IQSEC1: variants seen among roughly 807,000 people sequenced by gnomAD.
IQSEC1 encodes IQ motif and SEC7 domain-containing protein 1.
In IQSEC1, 31 loss-of-function variants were observed where a neutral mutation model predicts 91.0. The ratio of observed to expected loss-of-function variants is 0.34; its 90% confidence interval spans 0.26 to 0.46. The LOEUF is 0.46. Among genes scored for constraint, IQSEC1 ranks in the 20% least tolerant of loss-of-function variants. The pLI is 1.00. For missense variants in IQSEC1, 1,388 were observed against 1,575.6 expected (o/e 0.88, Z 2.02); for synonymous variants, 699 against 662.6 (o/e 1.05, Z -0.84).
intron 1 of IQSEC1, among the ~76,000 whole-genome samples, chr3:13,227,750 G>T (rs1446750006): frequency 1.3e-5 from 2 of 152,208 alleles, no homozygotes; most frequent in African/African-American, 4.8e-5. Flanking sequence ...TTCACTAGTG[G>T]CTGACAGGGG....
intron 1 of IQSEC1, among the ~76,000 whole-genome samples, chr3:12,976,835 C>CGT (rs1472933463): frequency 6.6e-6 from 1 of 152,188 alleles, no homozygotes; most frequent in Non-Finnish European, 1.5e-5. Context: ...AGGGACCACC[C>CGT]ACAGGGCTAA....
At chr3:12,985,735 A>G (rs933491925) in intron 1 of IQSEC1, among the ~76,000 whole-genome samples, 1 of 152,166 alleles carries the variant, frequency 6.6e-6, no homozygotes, top group Non-Finnish European at 1.5e-5. Flanking sequence ...AAACGTTTAT[A>G]TGTTTTTGAC....
intron 1 of IQSEC1, among the ~76,000 whole-genome samples, chr3:12,951,509 C>T (rs1045247350): frequency 2.6e-5 from 4 of 151,930 alleles, no homozygotes; most frequent in African/African-American, 4.8e-5. Context: ...AAGACAGGAA[C>T]AGTGAGGGCT....
intron 1 of IQSEC1, among the ~76,000 whole-genome samples, chr3:13,039,951 C>T (rs1236116714): frequency 6.6e-6 from 1 of 152,228 alleles, no homozygotes; most frequent in Non-Finnish European, 1.5e-5. Context: ...TACTTCTCCC[C>T]GTGCTTTGGT....
At chr3:13,263,556 C>T (rs761663965) in intron 1 of IQSEC1, among the ~76,000 whole-genome samples, 2 of 151,994 alleles carry the variant, frequency 1.3e-5, no homozygotes, top group Non-Finnish European at 2.9e-5. Flanking sequence ...GATTCTCTTG[C>T]CTCATCCTCC....
At position 13,088,325 on chromosome 3, in the gene IQSEC1, C is replaced by G. The variant is rs368771931; in HGVS notation, c.303-40803G>C. Among the ~76,000 whole-genome samples the G allele has an allele frequency of 3.2e-4, 48 of 152,328 alleles. 1 individual carries two copies. The East Asian group carries it at 6.8e-3, about 21-fold the overall frequency. On this transcript the variant is annotated intron_variant, in intron 2 of 15. Transcript: ENST00000648114. Reference sequence around the variant, plus strand: ...AGCACCTGCATGCTGACGACGCCCTCGCTTGACCTCTGCTCACTGCAGGGC... The same window carrying G: ...AGCACCTGCATGCTGACGACGCCCTGGCTTGACCTCTGCTCACTGCAGGGC...
At chr3:13,059,557 C>T (rs775245688) in intron 1 of IQSEC1, among the ~76,000 whole-genome samples, 3 of 152,106 alleles carry the variant, frequency 2.0e-5, no homozygotes, top group Non-Finnish European at 4.4e-5. Context: ...TCAAGACCAG[C>T]CCGGACAACA....
At chr3:13,047,073 T>C (rs565159560) in intron 1 of IQSEC1, among the ~76,000 whole-genome samples, 3 of 147,994 alleles carry the variant, frequency 2.0e-5, no homozygotes, top group South Asian at 4.7e-4. Context: ...TGCACACCAA[T>C]AGAAACCAAC....
At chr3:13,031,528 C>A (rs184188267) in intron 1 of IQSEC1, among the ~76,000 whole-genome samples, 1 of 152,218 alleles carries the variant, frequency 6.6e-6, no homozygotes, top group Non-Finnish European at 1.5e-5. Flanking sequence ...TCAGAAAGGA[C>A]AAGACTCCAG....
At chr3:13,127,455 A>C (rs983880782) in intron 2 of IQSEC1, among the ~76,000 whole-genome samples, 17 of 151,884 alleles carry the variant, frequency 1.1e-4, no homozygotes, top group Admixed American at 3.9e-4. Flanking sequence ...AAAAAAAAAA[A>C]CCAGAGTTCT....
At chr3:13,236,506 C>T (rs1412998367) in intron 1 of IQSEC1, among the ~76,000 whole-genome samples, 1 of 152,208 alleles carries the variant, frequency 6.6e-6, no homozygotes, top group East Asian at 1.9e-4. Flanking sequence ...CCAAACTTGT[C>T]CTGCTAACAC....
At chr3:12,961,409 A>C (rs936780282) in intron 1 of IQSEC1, among the ~76,000 whole-genome samples, 4 of 152,218 alleles carry the variant, frequency 2.6e-5, no homozygotes, top group Non-Finnish European at 4.4e-5. Flanking sequence ...CCCAATCCAC[A>C]GGCAAAGCGA....
At chr3:13,156,573 G>C (rs1439515372) in intron 2 of IQSEC1, among the ~76,000 whole-genome samples, 2 of 152,252 alleles carry the variant, frequency 1.3e-5, no homozygotes, top group Non-Finnish European at 2.9e-5. Context: ...GCTCCCCTTG[G>C]ATGTGGGAAG....
intron 2 of IQSEC1, among the ~76,000 whole-genome samples, chr3:12,941,003 G>A (rs1698695633): frequency 6.6e-6 from 1 of 152,228 alleles, no homozygotes; most frequent in South Asian, 2.1e-4. Flanking sequence ...GGCCCCTGGG[G>A]GAGGGGTGCA....
In IQSEC1 at chr3:12,990,076, C is replaced by T. The variant is rs192925048; in HGVS notation, c.24-48211G>A. On this transcript the variant is annotated intron_variant, in intron 1 of 13. Transcript: ENST00000613206. ...TCTGGCTGAGCTAAATAATGAAATG[C>T]TCCCATAATACCCCTCGGCACTTGG... Among the ~76,000 whole-genome samples the T allele has an allele frequency of 1.3e-3, 191 of 152,342 alleles. 1 individual carries two copies. Among genetic ancestry groups the T allele is most frequent in the African/African-American group, 4.4e-3 (183 of 41,580 alleles).
intron 2 of IQSEC1, among the ~76,000 whole-genome samples, chr3:13,161,672 C>T (rs1559267003): frequency 6.6e-6 from 1 of 152,356 alleles, no homozygotes; most frequent in East Asian, 1.9e-4. Flanking sequence ...CATCTGACCC[C>T]AGCATCTTAG....
At chr3:13,028,877 C>T (rs1293116184) in intron 1 of IQSEC1, among the ~76,000 whole-genome samples, 3 of 152,172 alleles carry the variant, frequency 2.0e-5, no homozygotes, top group Non-Finnish European at 4.4e-5. Context: ...GTAAGGAAGC[C>T]GCAGATCTGG....
intron 2 of IQSEC1, among the ~76,000 whole-genome samples, chr3:13,092,412 A>G (rs530998586): frequency 6.6e-6 from 1 of 152,248 alleles, no homozygotes; most frequent in East Asian, 1.9e-4. Flanking sequence ...CGGACGTCCC[A>G]GAACGCTGTT....
At chr3:13,237,974 T>C (rs558670243) in intron 1 of IQSEC1, among the ~76,000 whole-genome samples, 1 of 152,306 alleles carries the variant, frequency 6.6e-6, no homozygotes, top group East Asian at 1.9e-4. Context: ...TAGGCCTGCA[T>C]GGGGGACTGC....
Sources: gnomAD v4.1 joint callset for allele counts (sites outside exome capture counted in the v4.1 genomes callset) on GRCh38, gnomAD v4.1.1 for gene constraint, MANE v1.5 for transcripts, NCBI Gene and HGNC (gene_info 2026-07-23, HGNC 2026-07-21) for gene names.